Variants in TMEM178B observed in about 807,000 individuals in gnomAD.
The protein encoded by TMEM178B is transmembrane protein 178B.
TMEM178B carries 5 observed loss-of-function variants against 31.0 expected under a neutral mutation model. The ratio of observed to expected loss-of-function variants is 0.16; its 90% CI spans 0.08 to 0.34. The LOEUF (loss-of-function observed/expected upper bound fraction) is 0.34. TMEM178B is among the 10% of genes least tolerant of loss of function. The pLI, the probability that TMEM178B is intolerant of heterozygous loss-of-function variation, is 1.00. For missense variants in TMEM178B, 275 were observed against 400.3 expected (o/e 0.69, Z 2.67); for synonymous variants, 164 against 164.0 (o/e 1.00, Z 0.00).
At position 141,370,075 on chromosome 7, in the gene TMEM178B, A is replaced by C. The variant is rs117391006; in HGVS notation, c.497-67533A>C. 9.3e-3 allele frequency among the ~76,000 whole-genome samples: 1,417 copies of C among 152,252 alleles called. 15 individuals carry two copies. The highest frequency in any genetic ancestry group is 0.017 in the Middle Eastern group (5 of 294). On this transcript the variant is annotated intron_variant, in intron 2 of 3. Transcript: ENST00000565468. The stretch of plus-strand genomic sequence containing the variant: ...GAGGCAAGGGGGGCCTGCCCCAGGT[A>C]GGAGGGTCCTGGCTCCAGTGGAACC...
Position 141,105,814 on chromosome 7 carries a change from G to T in TMEM178B, c.382+31122G>T, listed in dbSNP as rs533127092. 2.0e-5 allele frequency among the ~76,000 whole-genome samples: 3 copies of T among 152,166 alleles called. No individual in the cohort carries two copies. The South Asian group carries it at 6.2e-4, about 32-fold the overall frequency. On this transcript the variant is annotated intron_variant, in intron 1 of 3. Transcript: ENST00000565468. ...AGCCTTTAAAAATGATTAGTTTGGG[G>T]CCAGGCATGGTGGCTCATGCCTGTA...
At chr7:141,197,216 C>A (rs1025837435) in intron 1 of TMEM178B, among the ~76,000 whole-genome samples, 2 of 152,088 alleles carry the variant, frequency 1.3e-5, no homozygotes, top group African/African-American at 4.8e-5. Flanking sequence ...TCACAATATC[C>A]CTAAGGGGGT....
intron 1 of TMEM178B, among the ~76,000 whole-genome samples, chr7:141,090,136 TATCATGA>T (rs370929981): frequency 2.0e-5 from 3 of 152,316 alleles, no homozygotes; most frequent in African/African-American, 7.2e-5. Flanking sequence ...TTCTTGTTCC[TATCATGA>T]ATATAAGAAT....
chr7:141,183,074 T>C (rs868290471), intron 1 of TMEM178B, among the ~76,000 whole-genome samples: 3 of 152,234 alleles, frequency 2.0e-5, no homozygotes, highest in African/African-American at 7.2e-5. Flanking sequence ...CATATGTGCT[T>C]GAATGAATGA....
chr7:141,211,111 A>G (rs1304692821), intron 1 of TMEM178B, among the ~76,000 whole-genome samples: 1 of 152,080 alleles, frequency 6.6e-6, no homozygotes, highest in Non-Finnish European at 1.5e-5. Context: ...CAAGTTTTGC[A>G]AGTTAAGGAA....
At chr7:141,414,031 A>T (rs1017549504) in intron 2 of TMEM178B, among the ~76,000 whole-genome samples, 6 of 151,086 alleles carry the variant, frequency 4.0e-5, no homozygotes, top group Non-Finnish European at 8.9e-5. Flanking sequence ...ATACAATTTC[A>T]TGTCTAGTTT....
intron 2 of TMEM178B, among the ~76,000 whole-genome samples, chr7:141,320,898 G>A (rs368516212): frequency 1.4e-4 from 21 of 152,168 alleles, no homozygotes; most frequent in African/African-American, 5.1e-4. Flanking sequence ...CCAGGCTGTG[G>A]CACCCCATCT....
In TMEM178B at chr7:141,447,612, GATACCGT is replaced by G. The variant is rs529347256; in HGVS notation, c.634+9868_634+9874del. 1.0e-3 allele frequency among the ~76,000 whole-genome samples: 156 copies of G among 152,204 alleles called. 2 individuals carry two copies. The highest frequency in any genetic ancestry group is 3.7e-3 in the African/African-American group (153 of 41,520). On this transcript the variant is annotated intron_variant, in intron 3 of 3. Transcript: ENST00000565468. ...GGGCTTCTTTCCTGGGCAATCATTT[GATACCGT>G]GTGACTTTTATCAACCTCTCTGGCT...
chr7:141,390,766 T>G (rs1800521181), intron 2 of TMEM178B, among the ~76,000 whole-genome samples: 1 of 152,244 alleles, frequency 6.6e-6, no homozygotes, highest in Non-Finnish European at 1.5e-5. Flanking sequence ...CTAATGTGCA[T>G]ATTTTCTTGA....
At chr7:141,456,528 T>A (rs1205776743) in intron 3 of TMEM178B, among the ~76,000 whole-genome samples, 19 of 152,242 alleles carry the variant, frequency 1.2e-4, no homozygotes, top group Admixed American at 1.2e-3. Flanking sequence ...CTGTGTGTCC[T>A]GGGCCTCATG....
At chr7:141,148,179 C>G (rs916016539) in intron 1 of TMEM178B, among the ~76,000 whole-genome samples, 1 of 152,134 alleles carries the variant, frequency 6.6e-6, no homozygotes, top group African/African-American at 2.4e-5. Context: ...ATCACTCCAA[C>G]CACTGTTTCT....
chr7:141,409,960 A>G (rs906668923), intron 2 of TMEM178B, among the ~76,000 whole-genome samples: 1 of 152,064 alleles, frequency 6.6e-6, no homozygotes, highest in Non-Finnish European at 1.5e-5. Flanking sequence ...CCCGGGTGAC[A>G]TATGTATCTT....
At chr7:141,413,289 A>T (rs1801029820) in intron 2 of TMEM178B, among the ~76,000 whole-genome samples, 1 of 151,996 alleles carries the variant, frequency 6.6e-6, no homozygotes, top group Non-Finnish European at 1.5e-5. Flanking sequence ...TCTTCCCCCA[A>T]TCCCAACATG....
intron 2 of TMEM178B, among the ~76,000 whole-genome samples, chr7:141,305,245 AGTAAAGCAAC>A (rs1310864667): frequency 6.6e-6 from 1 of 152,240 alleles, no homozygotes; most frequent in Non-Finnish European, 1.5e-5. Context: ...TAGTAATAGT[AGTAAAGCAAC>A]AACCATAATA....
intron 1 of TMEM178B, among the ~76,000 whole-genome samples, chr7:141,163,193 T>C (rs1796204198): frequency 6.6e-6 from 1 of 152,208 alleles, no homozygotes; most frequent in African/African-American, 2.4e-5. Context: ...AGGGCGGTTC[T>C]TCATGTACTT....
intron 2 of TMEM178B, among the ~76,000 whole-genome samples, chr7:141,321,972 G>A (rs910492266): frequency 4.1e-5 from 6 of 145,084 alleles, no homozygotes; most frequent in Admixed American, 6.8e-5. Flanking sequence ...TACTGCCAGC[G>A]TATATTTTGT....
Position 141,422,886 on chromosome 7 carries a change from G to A in TMEM178B, c.497-14722G>A, listed in dbSNP as rs983662333. Among the ~76,000 whole-genome samples the A allele has an allele frequency of 6.6e-5, 10 of 152,038 alleles. No homozygotes were observed. Among genetic ancestry groups the A allele is most frequent in the South Asian group, 2.1e-4 (1 of 4,812 alleles). ...GCACTATGAGTTGCAGAACTAGATCGGGGCACTTTGTAGCAAGCTCTACAC... is the reference window on the plus strand; with the variant it reads ...GCACTATGAGTTGCAGAACTAGATCAGGGCACTTTGTAGCAAGCTCTACAC... On this transcript the variant is annotated intron_variant, in intron 2 of 3. Transcript: ENST00000565468. This position sits in a 1 kb window ranked among gnomAD's most constrained non-coding sequence, Gnocchi z 4.2.
intron 1 of TMEM178B, among the ~76,000 whole-genome samples, chr7:141,076,445 C>T (rs1478772456): frequency 2.0e-5 from 3 of 152,150 alleles, no homozygotes; most frequent in African/African-American, 7.2e-5. Context: ...CCTTGAATGC[C>T]TTCTAGAATA....
At chr7:141,272,877 C>T (rs1031090928) in intron 2 of TMEM178B, among the ~76,000 whole-genome samples, 7 of 152,198 alleles carry the variant, frequency 4.6e-5, no homozygotes, top group Admixed American at 2.0e-4. Context: ...GGGTGTGTAT[C>T]TAAAGGAACT....
Sources: allele counts gnomAD v4.1 joint callset (sites outside exome capture counted in the v4.1 genomes callset), GRCh38; gene constraint gnomAD v4.1.1; non-coding constraint Gnocchi (gnomAD v3.1); transcripts MANE v1.5; gene names NCBI Gene and HGNC (gene_info 2026-07-23, HGNC 2026-07-21).